Variants in PPP1R14C observed in about 807,000 individuals in gnomAD.
PPP1R14C encodes the protein protein phosphatase 1 regulatory subunit 14C.
In PPP1R14C, 16 loss-of-function variants were observed where a neutral mutation model predicts 20.4. That is an observed-to-expected ratio of 0.78 (90% CI 0.53 to 1.19). PPP1R14C has a LOEUF of 1.19. Ranked by LOEUF, PPP1R14C falls within the 50% of genes most tolerant of loss-of-function variation. The pLI is 0.00. For synonymous variants in PPP1R14C, 91 were observed against 91.0 expected (o/e 1.00, Z 0.00); for missense variants, 211 against 220.1 (o/e 0.96, Z 0.26).
chr6:150,159,147 G>T (rs1043723299), intron 1 of PPP1R14C, among the ~76,000 whole-genome samples: 2 of 152,148 alleles, frequency 1.3e-5, no homozygotes, highest in African/African-American at 4.8e-5. Context: ...CTGCTCAGGG[G>T]CTGACTTCTC....
At chr6:150,155,033 A>T (rs1777290939) in intron 1 of PPP1R14C, among the ~76,000 whole-genome samples, 1 of 152,154 alleles carries the variant, frequency 6.6e-6, no homozygotes, top group Non-Finnish European at 1.5e-5. Context: ...TTGGCACCTC[A>T]TAATTAACTA....
chr6:150,168,498 A>C (rs1308400041), intron 1 of PPP1R14C, among the ~76,000 whole-genome samples: 2 of 149,530 alleles, frequency 1.3e-5, no homozygotes, highest in East Asian at 3.9e-4. Flanking sequence ...GCGCCACTAC[A>C]CTCCAGCCTG....
At position 150,214,946 on chromosome 6, in the gene PPP1R14C, G is replaced by A. The variant is rs956008092; in HGVS notation, c.390+119G>A. On this transcript the variant is annotated intron_variant, in intron 2 of 3. Transcript: ENST00000361131. ...TGGTGGTGTTGGCACCAGGACCTGG[G>A]CCATTTGCAGAGAGGAAAGCAATGG... is the stretch of plus-strand genomic sequence containing the variant. The A allele has an allele frequency of 7.3e-6, 5 of 683,218 alleles. No individual in the cohort carries two copies. The Admixed American group carries it at 8.3e-5, about 11-fold the overall frequency. 42.3% of individuals were successfully genotyped at this position (683,218 alleles called of 1,614,324 possible).
At chr6:150,171,571 G>A (rs565218149) in intron 1 of PPP1R14C, among the ~76,000 whole-genome samples, 1 of 152,268 alleles carries the variant, frequency 6.6e-6, no homozygotes, top group Admixed American at 6.5e-5. Context: ...TGTGATTGAC[G>A]CACACATTTG....
chr6:150,217,018 A>C (rs1778102598), intron 3 of PPP1R14C, among the ~76,000 whole-genome samples, 162 bp downstream of exon 3: 1 of 152,230 alleles, frequency 6.6e-6, no homozygotes, highest in Non-Finnish European at 1.5e-5. Flanking sequence ...TAACTTCATT[A>C]TTTCTAAGCC....
intron 1 of PPP1R14C, among the ~76,000 whole-genome samples, chr6:150,190,072 T>G (rs1176166549): frequency 6.6e-6 from 1 of 152,188 alleles, no homozygotes; most frequent in Admixed American, 6.5e-5. Context: ...AAATTCTCCC[T>G]TGATGCCTGA....
chr6:150,167,350 A>G (rs1777434169), intron 1 of PPP1R14C, among the ~76,000 whole-genome samples: 1 of 152,066 alleles, frequency 6.6e-6, no homozygotes, highest in African/African-American at 2.4e-5. Flanking sequence ...CCTGGGTGAC[A>G]GAGCAAGACT....
intron 3 of PPP1R14C, among the ~76,000 whole-genome samples, chr6:150,244,578 C>T (rs574990673): frequency 2.0e-5 from 3 of 152,200 alleles, no homozygotes; most frequent in South Asian, 2.1e-4. Flanking sequence ...GAGTCCCTAT[C>T]GGCATTGTCC....
chr6:150,182,254 G>T (rs148791759), intron 1 of PPP1R14C, among the ~76,000 whole-genome samples: 2 of 152,176 alleles, frequency 1.3e-5, no homozygotes, highest in South Asian at 2.1e-4. Context: ...GCTGTGTACC[G>T]TGAGACAAAT....
chr6:150,244,371 C>G (rs530079071), intron 3 of PPP1R14C, among the ~76,000 whole-genome samples: 7 of 152,332 alleles, frequency 4.6e-5, no homozygotes, highest in Admixed American at 1.3e-4. Flanking sequence ...GGCTTCTGAA[C>G]AGCACATTCT....
chr6:150,195,452 A>G (rs1330492025), intron 1 of PPP1R14C, among the ~76,000 whole-genome samples: 2 of 152,134 alleles, frequency 1.3e-5, no homozygotes, highest in Non-Finnish European at 2.9e-5. Context: ...GGCTCAAGCT[A>G]TCCTCCCACC....
intron 3 of PPP1R14C, among the ~76,000 whole-genome samples, chr6:150,222,507 A>G (rs1266679893): frequency 6.6e-6 from 1 of 152,148 alleles, no homozygotes; most frequent in African/African-American, 2.4e-5. Flanking sequence ...GGTACTGTAC[A>G]TTATGGATTT....
chr6:150,195,121 A>T (rs1057208122), intron 1 of PPP1R14C: 25 of 983,474 alleles, frequency 2.5e-5, no homozygotes, highest in Non-Finnish European at 7.2e-6. Context: ...TATGTGGGTT[A>T]CTCTTATTCT....
chr6:150,147,668 T>C (rs1416038489), intron 1 of PPP1R14C, among the ~76,000 whole-genome samples: 1 of 152,244 alleles, frequency 6.6e-6, no homozygotes, highest in African/African-American at 2.4e-5. Flanking sequence ...CTCAGATGAT[T>C]GCAATGCCCG....
intron 1 of PPP1R14C, among the ~76,000 whole-genome samples, chr6:150,154,879 C>T (rs7758353): frequency 0.71 from 107,898 of 152,120 alleles, 38,530 homozygotes; most frequent in African/African-American, 0.73. Context: ...CACAGACACT[C>T]ACAGCCACCA....
chr6:150,143,987 G>T lies in PPP1R14C; in HGVS notation c.306+489G>T, dbSNP rs994484928. On this transcript the variant is annotated intron_variant, in intron 1 of 3. Coordinates refer to ENST00000361131, the MANE Select transcript of PPP1R14C (RefSeq NM_030949.3). This position sits in a 1 kb window ranked among gnomAD's most constrained non-coding sequence, Gnocchi z 5.6. ...CCTCGTGGAAAGGAGAGGTTCTGGG[G>T]ATCTCAGAGGCCCCCTTGGTTCTTG... 4.6e-5 allele frequency among the ~76,000 whole-genome samples: 7 copies of T among 152,340 alleles called. No individual in the cohort carries two copies. In the East Asian group the frequency reaches 1.4e-3, roughly 29 times the overall value.
intron 1 of PPP1R14C, among the ~76,000 whole-genome samples, chr6:150,191,490 C>T (rs550759139): frequency 1.2e-4 from 19 of 152,316 alleles, no homozygotes; most frequent in Non-Finnish European, 2.1e-4. Flanking sequence ...ACAAGTACAT[C>T]AGATGTGTGT....
chr6:150,149,066 GA>G (rs1033223838), intron 1 of PPP1R14C, among the ~76,000 whole-genome samples: 57 of 144,408 alleles, frequency 3.9e-4, no homozygotes, highest in African/African-American at 1.1e-3. Flanking sequence ...CAAATAAAAA[GA>G]AAAAAAAAAG....
intron 1 of PPP1R14C, among the ~76,000 whole-genome samples, chr6:150,163,862 C>A (rs1777397569): frequency 6.6e-6 from 1 of 152,010 alleles, no homozygotes; most frequent in South Asian, 2.1e-4. Context: ...TTTTGGTGAA[C>A]CTATGTCTGC....
Sources: allele counts gnomAD v4.1 joint callset (sites outside exome capture counted in the v4.1 genomes callset), GRCh38; gene constraint gnomAD v4.1.1; non-coding constraint Gnocchi (gnomAD v3.1); transcripts MANE v1.5; gene names NCBI Gene and HGNC (gene_info 2026-07-23, HGNC 2026-07-21).